Variants in CSMD1 observed in about 807,000 individuals in gnomAD.
The protein encoded by CSMD1 is CUB and Sushi multiple domains 1, also known as CUB and sushi domain-containing protein 1.
A neutral mutation model predicts 417.5 loss-of-function variants in CSMD1; 213 were observed. The ratio of observed to expected loss-of-function variants is 0.51; its 90% CI spans 0.46 to 0.57. The LOEUF is 0.57. Among genes scored for constraint, CSMD1 ranks in the 20% least tolerant of loss-of-function variants. The pLI, the probability that CSMD1 is intolerant of heterozygous loss-of-function variation, is 0.00. For missense variants in CSMD1, 6,923 were observed against 4,529.7 expected, an observed-to-expected ratio of 1.53 and a Z score of -15.17; for synonymous variants, 2,862 against 1,736.8, an observed-to-expected ratio of 1.65 and a Z score of -16.11.
chr8:4,084,751 C>T (rs13265700), intron 3 of CSMD1, among the ~76,000 whole-genome samples: 15,165 of 150,598 alleles, frequency 0.1, 633 homozygotes, highest in Middle Eastern at 0.14. Context: ...CCCCACCCCC[C>T]TACCCAAAGC....
At position 4,547,306 on chromosome 8, in the gene CSMD1, G is replaced by C. The variant is rs141960979; in HGVS notation, c.302+90036C>G. On this transcript the variant is annotated intron_variant, in intron 2 of 69. Transcript: ENST00000635120. Reference sequence around the variant, plus strand: ...ACTAAATGTAAAGGCATTATAACTAGGCTTGAATTTTCCAATCAATTTTCC... The same window carrying C: ...ACTAAATGTAAAGGCATTATAACTACGCTTGAATTTTCCAATCAATTTTCC... Among the ~76,000 whole-genome samples, 438 of 152,212 alleles carry C rather than the reference G, an allele frequency of 2.9e-3. 3 individuals are homozygous for C. The highest frequency in any genetic ancestry group is 0.011 in the South Asian group (52 of 4,826).
At chr8:3,074,778 T>C (rs1813531199) in intron 49 of CSMD1, among the ~76,000 whole-genome samples, 1 of 152,236 alleles carries the variant, frequency 6.6e-6, no homozygotes, top group African/African-American at 2.4e-5. Flanking sequence ...TTTTTGGATA[T>C]AAAATAATGT....
At chr8:4,311,372 C>T (rs923951500) in intron 3 of CSMD1, among the ~76,000 whole-genome samples, 3 of 152,068 alleles carry the variant, frequency 2.0e-5, no homozygotes, top group African/African-American at 7.2e-5. Context: ...AGCTGGAGGC[C>T]ATTATTCTTG....
At chr8:4,958,282 T>C (rs1809254545) in intron 1 of CSMD1, among the ~76,000 whole-genome samples, 1 of 152,208 alleles carries the variant, frequency 6.6e-6, no homozygotes, top group South Asian at 2.1e-4. Flanking sequence ...AGTGCACATA[T>C]TTGACACATC....
intron 1 of CSMD1, among the ~76,000 whole-genome samples, chr8:4,800,021 A>T (rs938043289): frequency 2.6e-5 from 4 of 152,224 alleles, no homozygotes; most frequent in African/African-American, 9.6e-5. Flanking sequence ...ATCAAAATAC[A>T]GTAATTATGT....
chr8:3,968,023 A>AG (rs1445187499), intron 5 of CSMD1, among the ~76,000 whole-genome samples: 2 of 148,802 alleles, frequency 1.3e-5, no homozygotes, highest in East Asian at 3.9e-4. Flanking sequence ...AAAAAAAAAA[A>AG]AAAATTACAA....
chr8:4,739,428 A>G (rs1198621050), intron 1 of CSMD1, among the ~76,000 whole-genome samples: 1 of 152,204 alleles, frequency 6.6e-6, no homozygotes, highest in Non-Finnish European at 1.5e-5. Context: ...CCAACTCTCT[A>G]CAATATAAAG....
intron 10 of CSMD1, among the ~76,000 whole-genome samples, chr8:3,571,247 T>G (rs995118015): frequency 2.0e-5 from 3 of 152,208 alleles, no homozygotes; most frequent in Non-Finnish European, 2.9e-5. Context: ...TTTCCTCGGC[T>G]AACAACACAC....
intron 2 of CSMD1, among the ~76,000 whole-genome samples, chr8:4,577,133 G>T (rs1490600832): frequency 1.3e-5 from 2 of 151,978 alleles, no homozygotes; most frequent in Admixed American, 6.6e-5. Context: ...CTAATCTTCT[G>T]CAATGTTTCC....
intron 5 of CSMD1, among the ~76,000 whole-genome samples, chr8:3,940,249 G>T (rs990439424): frequency 6.6e-6 from 1 of 151,946 alleles, no homozygotes; most frequent in Non-Finnish European, 1.5e-5. Context: ...GCCTACAGAA[G>T]AAATCAGACT....
intron 18 of CSMD1, among the ~76,000 whole-genome samples, chr8:3,381,186 C>G (rs761328143): frequency 1.6e-4 from 25 of 151,972 alleles, no homozygotes; most frequent in African/African-American, 2.9e-4. Context: ...ACTTTTCAAT[C>G]TTTACAGGTA....
chr8:4,017,998 T>G (rs1796605345), intron 4 of CSMD1, among the ~76,000 whole-genome samples: 1 of 152,188 alleles, frequency 6.6e-6, no homozygotes, highest in Non-Finnish European at 1.5e-5. Flanking sequence ...ATTAATTGCT[T>G]CATGAGTATG....
intron 11 of CSMD1, among the ~76,000 whole-genome samples, chr8:3,486,765 G>A (rs1270546223): frequency 6.6e-6 from 1 of 152,226 alleles, no homozygotes; most frequent in East Asian, 1.9e-4. Flanking sequence ...CAAGGTCCCT[G>A]ACTCTGCTGG....
intron 3 of CSMD1, among the ~76,000 whole-genome samples, chr8:4,073,461 T>C (rs1041357771): frequency 2.0e-5 from 3 of 152,158 alleles, no homozygotes; most frequent in Non-Finnish European, 2.9e-5. Context: ...TTACTTAGAT[T>C]CTATTTTCTC....
chr8:3,801,113 G>C (rs183184152), intron 5 of CSMD1, among the ~76,000 whole-genome samples: 1 of 151,728 alleles, frequency 6.6e-6, no homozygotes, highest in Non-Finnish European at 1.5e-5. Context: ...AGACGGAAAG[G>C]TTAAATTTTA....
chr8:4,408,167 C>G (rs930462840), intron 3 of CSMD1, among the ~76,000 whole-genome samples: 1 of 152,180 alleles, frequency 6.6e-6, no homozygotes, highest in African/African-American at 2.4e-5. Context: ...ACTACCAAAG[C>G]TTAGTCAGAT....
At chr8:4,957,041 G>A (rs956526113) in intron 1 of CSMD1, among the ~76,000 whole-genome samples, 1 of 152,204 alleles carries the variant, frequency 6.6e-6, no homozygotes, top group African/African-American at 2.4e-5. Context: ...AGAAATTCAG[G>A]AAGAGGAAAC....
intron 1 of CSMD1, among the ~76,000 whole-genome samples, chr8:4,646,819 T>A (rs1293698805): frequency 6.6e-6 from 1 of 152,158 alleles, no homozygotes; most frequent in Non-Finnish European, 1.5e-5. Context: ...GGACAGACAG[T>A]AAAGAAGAAT....
At chr8:4,763,186 C>A (rs1254922559) in intron 1 of CSMD1, among the ~76,000 whole-genome samples, 3 of 152,302 alleles carry the variant, frequency 2.0e-5, no homozygotes, top group African/African-American at 7.2e-5. Context: ...GCTTAAAGAT[C>A]TGGGGGTAGA....
Sources: gnomAD v4.1 joint callset for allele counts (sites outside exome capture counted in the v4.1 genomes callset) on GRCh38, gnomAD v4.1.1 for gene constraint, MANE v1.5 for transcripts, NCBI Gene and HGNC (gene_info 2026-07-23, HGNC 2026-07-21) for gene names.